Variants in MYH14 observed in about 807,000 individuals in gnomAD.
MYH14 encodes the protein myosin heavy chain 14.
Under a neutral mutation model 255.5 loss-of-function variants are expected in MYH14, and 123 were observed. The ratio of observed to expected loss-of-function variants is 0.48; its 90% CI spans 0.42 to 0.56. The LOEUF is 0.56. MYH14 is among the 20% of genes least tolerant of loss of function. MYH14 has a pLI of 0.00. For synonymous variants in MYH14, 1,095 were observed against 1,161.2 expected (o/e 0.94, Z 1.16); for missense variants, 2,423 against 2,802.3 (o/e 0.86, Z 3.06).
chr19:50,230,416 C>T lies in MYH14; in HGVS notation c.875-109C>T. 1 of 985,536 alleles carries T rather than the reference C, an allele frequency of 1.0e-6. No homozygotes were observed. Among genetic ancestry groups the T allele is most frequent in the South Asian group, 1.4e-5 (1 of 71,438 alleles). 61.0% of individuals were successfully genotyped at this position (985,536 alleles called of 1,614,324 possible). ...CCAGCCTGGGCTGTGAGCGACTCCA[C>T]TACACCACAGGAGAGAAGGGGGCAG... is the stretch of plus-strand genomic sequence containing the variant. On this transcript the variant is annotated intron_variant, in intron 8 of 42. Transcript: ENST00000642316. The surrounding 1 kb of genome is among the most constrained non-coding windows in gnomAD (Gnocchi z 4.7).
intron 1 of MYH14, among the ~76,000 whole-genome samples, chr19:50,208,114 A>G (rs2123144740): frequency 6.6e-6 from 1 of 152,198 alleles, no homozygotes; most frequent in South Asian, 2.1e-4. Flanking sequence ...GGTATTTATC[A>G]CCATTTAATG....
At chr19:50,271,726 G>C in intron 25 of MYH14, 123 bp from the exon 26 acceptor site, 1 of 1,494,376 alleles carries the variant, frequency 6.7e-7, no homozygotes, top group Non-Finnish European at 9.0e-7. Flanking sequence ...GGGGAGGAAG[G>C]TCAGAGAAGG....
At chr19:50,263,105 A>G (rs1439458771) in intron 21 of MYH14, among the ~76,000 whole-genome samples, 1 of 152,186 alleles carries the variant, frequency 6.6e-6, no homozygotes. Flanking sequence ...GAGGTGAGGC[A>G]GGAGAATTGC....
At chr19:50,263,724 C>A (rs1401214109) in intron 22 of MYH14, among the ~76,000 whole-genome samples, 3 of 152,138 alleles carry the variant, frequency 2.0e-5, no homozygotes, top group Admixed American at 6.5e-5. Flanking sequence ...CTGCTGTACT[C>A]ACAGCTACAG....
At position 50,216,801 on chromosome 19, in the gene MYH14, C is replaced by CTTTTT. The variant is rs200626930; in HGVS notation, c.406-794_406-790dup. Among the ~76,000 whole-genome samples the CTTTTT allele has an allele frequency of 3.3e-3, 375 of 112,762 alleles. 2 individuals carry two copies. The highest frequency in any genetic ancestry group is 7.5e-3 in the African/African-American group (192 of 25,560). The allele number at this position is 112,762 out of a possible 152,430, so 74.0% of individuals were successfully genotyped here. ...TAAAAAGATTCCTCTTCCATCCTTT[C>CTTTTT]TTTTTTTTTTTTTTTTTTTTTTTTG... On this transcript the variant is annotated intron_variant, in intron 2 of 42. Transcript: ENST00000642316.
chr19:50,296,397 C>T (rs1225161490), intron 39 of MYH14, among the ~76,000 whole-genome samples: 1 of 151,880 alleles, frequency 6.6e-6, no homozygotes, highest in African/African-American at 2.4e-5. Context: ...TGCTTGAGCC[C>T]AGGAGTTTGA....
rs1032034869 is a variant in MYH14, at chr19:50,290,907, G to A, written c.4986G>A (p.Glu1662=). ...TCCAGCTGAGAGATGCAGAGGTGGA[G>A]CGGGATGAGGAGCGGAAGCAGCGCA... The part of the protein sequence containing the change: ...LAKQLRDAEV[E]RDEERKQRTL... Residue 1662 remains glutamate (E), a synonymous_variant, in exon 36 of 43, where the codon GAG becomes GAA. Coordinates refer to ENST00000642316, the MANE Select transcript of MYH14 (RefSeq NM_001145809.2). The A allele has an allele frequency of 2.6e-6, 4 of 1,566,900 alleles. No individual in the cohort carries two copies. Among genetic ancestry groups the A allele is most frequent in the Non-Finnish European group, 3.5e-6 (4 of 1,156,574 alleles).
intron 35 of MYH14, among the ~76,000 whole-genome samples, chr19:50,290,297 C>T (rs28476504): frequency 0.011 from 1,698 of 152,246 alleles, 34 homozygotes; most frequent in African/African-American, 0.038. Context: ...GTCATCGCTC[C>T]CTCGCTTCCT....
At chr19:50,229,568 A>T (rs1009061978) in intron 8 of MYH14, among the ~76,000 whole-genome samples, 1 of 152,098 alleles carries the variant, frequency 6.6e-6, no homozygotes, top group African/African-American at 2.4e-5. Context: ...TGAGCTGGGG[A>T]GGCGGAGGTT....
rs2034343569 is a variant in MYH14, at chr19:50,250,814, G to T, written c.1830+126G>T. The stretch of plus-strand genomic sequence containing the variant: ...CTGAGGTCCAGACAAACAGAGCAGG[G>T]GCTAGGAGAGCCCAGGGAGGAGCAA... On this transcript the variant is annotated intron_variant, in intron 15 of 42. Coordinates refer to ENST00000642316, the MANE Select transcript of MYH14 (RefSeq NM_001145809.2). This position sits in a 1 kb window ranked among gnomAD's most constrained non-coding sequence, Gnocchi z 5.4. The T allele has an allele frequency of 1.0e-6, 1 of 985,458 alleles. No individual in the cohort carries two copies. Among genetic ancestry groups the T allele is most frequent in the East Asian group, 2.5e-5 (1 of 40,326 alleles). 61.0% of individuals were successfully genotyped at this position (985,458 alleles called of 1,614,324 possible).
intron 36 of MYH14, 63 bp downstream of exon 36, chr19:50,291,111 T>C: frequency 6.4e-7 from 1 of 1,551,876 alleles, no homozygotes; most frequent in Admixed American, 1.8e-5. Context: ...CAACCATCAC[T>C]CCAGGGTCTA....
At chr19:50,247,253 G>A (rs1440082085) in intron 12 of MYH14, 131 bp downstream of exon 12, 1 of 643,116 alleles carries the variant, frequency 1.6e-6, no homozygotes, top group East Asian at 2.8e-5. Context: ...TACCGATCCT[G>A]GTCTAGGTGC....
At chr19:50,226,634 A>C (rs1249710955) in intron 7 of MYH14, among the ~76,000 whole-genome samples, 2 of 150,772 alleles carry the variant, frequency 1.3e-5, no homozygotes, top group African/African-American at 4.9e-5. Context: ...CTGAGGGAGG[A>C]GGGGCTGGAG....
intron 33 of MYH14, chr19:50,285,163 T>C (rs2035853940): frequency 6.6e-6 from 1 of 152,188 alleles, no homozygotes; most frequent in Non-Finnish European, 1.5e-5. Flanking sequence ...CCCAATATGC[T>C]GGAATTACAA....
Position 50,270,694 on chromosome 19 carries a change from AT to A in MYH14, c.3034-712del, listed in dbSNP as rs964654216. 7.5e-4 allele frequency among the ~76,000 whole-genome samples: 52 copies of A among 69,640 alleles called. 1 individual carries two copies. Among genetic ancestry groups the A allele is most frequent in the Admixed American group, 2.5e-3 (13 of 5,252 alleles). The allele number at this position is 69,640 out of a possible 152,430, so 45.7% of individuals were successfully genotyped here. ...TATTTTATTTTTAAAATTATTTATT[AT>A]TTATTTATTTTTTTTTTGAGACAGA... On this transcript the variant is annotated intron_variant, in intron 24 of 42. Coordinates refer to ENST00000642316, the MANE Select transcript of MYH14 (RefSeq NM_001145809.2).
In MYH14 at chr19:50,260,629, C is replaced by T. The variant is rs28482851; in HGVS notation, c.2355-17C>T. 0.29 allele frequency: 462,735 copies of T among 1,600,346 alleles called. 71,435 individuals are homozygous for T. The highest frequency in any genetic ancestry group is 0.54 in the East Asian group (24,324 of 44,658). ...TGCTGTAACTCTCTCCTCCCCACCC[C>T]TCCCTGCTCATTGCAGATACGAGAT... On this transcript the variant is annotated splice_polypyrimidine_tract_variant and intron_variant, in intron 19 of 42. Transcript: ENST00000642316.
rs530228339 is a variant in MYH14 at position 50,228,534 on chromosome 19, T to G, written c.874+1568T>G. On this transcript the variant is annotated intron_variant, in intron 8 of 42. Transcript: ENST00000642316. ...GCCTTGTGGGAGATGCTTCCTGGGC[T>G]GTCACCACCCCAAGTCCCCAGCAGC... Among the ~76,000 whole-genome samples the G allele has an allele frequency of 3.6e-3, 544 of 152,122 alleles. 4 individuals are homozygous for G. Among genetic ancestry groups the G allele is most frequent in the Non-Finnish European group, 6.5e-3 (443 of 67,978 alleles).
At chr19:50,301,948 C>T (rs1358450365) in intron 40 of MYH14, 79 bp downstream of exon 40, 5 of 1,199,072 alleles carry the variant, frequency 4.2e-6, no homozygotes, top group African/African-American at 1.5e-5. Context: ...GTGTTACAAA[C>T]ACGTGGTTTA....
rs778859442 is a variant in MYH14 at position 50,280,133 on chromosome 19, G to A, written c.4129G>A (p.Asp1377Asn). The change falls in exon 31 of 43, where the codon GAT becomes AAT. Residue 1377 changes from aspartate to asparagine, a missense_variant. Asp to Asn is a conservative substitution (Grantham distance 23). Around this residue, in one of 3 missense-constraint regions of MYH14, gnomAD observed 1,513 missense variants for 1,674.8 expected, o/e 0.90. Transcript: ENST00000642316. The surrounding 1 kb of genome is among the most constrained non-coding windows in gnomAD (Gnocchi z 4.8). ...GAGCAGCACAGAAGCCCAGCTGCAC[G>A]ATGCCCAGGTGACCCTGCCTGCCCT... The part of the protein sequence containing the change: ...ELSSTEAQLH[D>N]AQELLQEETR... 1.1e-5 allele frequency: 17 copies of A among 1,602,022 alleles called. No individual in the cohort carries two copies. The Admixed American group carries it at 1.2e-4, about 11-fold the overall frequency.
Sources: allele counts gnomAD v4.1 joint callset (sites outside exome capture counted in the v4.1 genomes callset), GRCh38; gene constraint gnomAD v4.1.1; regional missense constraint gnomAD v4.1.1; non-coding constraint Gnocchi (gnomAD v3.1); transcripts MANE v1.5; gene names NCBI Gene and HGNC (gene_info 2026-07-23, HGNC 2026-07-21).